Variants in TMEM132D observed in about 807,000 individuals in gnomAD.
The protein encoded by TMEM132D is transmembrane protein 132D.
In TMEM132D, 21 loss-of-function variants were observed where a neutral mutation model predicts 62.3. The ratio of observed to expected loss-of-function variants is 0.34; its 90% CI spans 0.24 to 0.49. TMEM132D has a LOEUF of 0.49. Among genes scored for constraint, TMEM132D ranks in the 20% least tolerant of loss-of-function variants. TMEM132D has a pLI of 0.99. For missense variants in TMEM132D, 1,346 were observed against 1,402.8 expected (o/e 0.96, Z 0.65); for synonymous variants, 621 against 575.6 (o/e 1.08, Z -1.13).
At chr12:129,279,445 G>T (rs1881083110) in intron 4 of TMEM132D, among the ~76,000 whole-genome samples, 1 of 152,084 alleles carries the variant, frequency 6.6e-6, no homozygotes, top group Non-Finnish European at 1.5e-5. Context: ...ACTGAAACCT[G>T]CAACAGAAGT....
chr12:129,466,976 T>C (rs182815288), intron 3 of TMEM132D, among the ~76,000 whole-genome samples: 17 of 152,290 alleles, frequency 1.1e-4, no homozygotes, highest in Admixed American at 9.2e-4. Context: ...CCCCTTTTGG[T>C]TGGATGAATA....
chr12:129,401,883 T>G (rs1312368863), intron 3 of TMEM132D, among the ~76,000 whole-genome samples: 1 of 152,158 alleles, frequency 6.6e-6, no homozygotes, highest in African/African-American at 2.4e-5. Flanking sequence ...AAGATTTGAA[T>G]TGATCCAGCC....
intron 5 of TMEM132D, among the ~76,000 whole-genome samples, chr12:129,147,915 C>T (rs531463297): frequency 1.3e-5 from 2 of 152,194 alleles, no homozygotes; most frequent in African/African-American, 4.8e-5. Context: ...AACCAACTTT[C>T]GTGTGATGGC....
At chr12:129,564,234 C>T (rs76100220) in intron 2 of TMEM132D, among the ~76,000 whole-genome samples, 3,211 of 152,282 alleles carry the variant, frequency 0.021, 96 homozygotes, top group African/African-American at 0.073. Flanking sequence ...GTCTTAGAAT[C>T]TAAGTCTCCT....
intron 3 of TMEM132D, among the ~76,000 whole-genome samples, chr12:129,525,737 C>A (rs554754539): frequency 6.6e-6 from 1 of 152,166 alleles, no homozygotes; most frequent in Admixed American, 6.5e-5. Flanking sequence ...ATCACTGCGA[C>A]GCACAGCATA....
chr12:129,365,612 A>C (rs955918297), intron 3 of TMEM132D, among the ~76,000 whole-genome samples: 8 of 152,192 alleles, frequency 5.3e-5, no homozygotes, highest in Non-Finnish European at 7.4e-5. Context: ...CCCCTTCTGC[A>C]CTGAGATGCA....
chr12:129,150,117 G>T (rs892106169), intron 5 of TMEM132D, among the ~76,000 whole-genome samples: 11 of 152,222 alleles, frequency 7.2e-5, no homozygotes, highest in African/African-American at 2.7e-4. Flanking sequence ...CAGGCCAGGG[G>T]CAAGCCCACA....
intron 4 of TMEM132D, among the ~76,000 whole-genome samples, chr12:129,324,412 AC>A (rs1297029838): frequency 1.3e-5 from 2 of 152,162 alleles, no homozygotes; most frequent in African/African-American, 4.8e-5. Context: ...AAGAGTTTAG[AC>A]TCCACACACA....
chr12:129,836,612 T>G (rs1006078380), intron 1 of TMEM132D, among the ~76,000 whole-genome samples: 1 of 152,146 alleles, frequency 6.6e-6, no homozygotes, highest in Admixed American at 6.6e-5. Context: ...ACATTAGCTC[T>G]TTATTAAGTA....
chr12:129,896,928 C>G (rs1466532357), intron 1 of TMEM132D, among the ~76,000 whole-genome samples: 1 of 152,122 alleles, frequency 6.6e-6, no homozygotes, highest in Non-Finnish European at 1.5e-5. Flanking sequence ...ACTTCAGTCG[C>G]TTTTCAGATG....
At chr12:129,106,428 AAAAAAT>A (rs1202832848) in intron 5 of TMEM132D, among the ~76,000 whole-genome samples, 4 of 151,978 alleles carry the variant, frequency 2.6e-5, no homozygotes, top group African/African-American at 4.8e-5. Context: ...ATAATAAAAT[AAAAAAT>A]AAAAATAAAA....
At chr12:129,835,254 A>G (rs1451589894) in intron 1 of TMEM132D, among the ~76,000 whole-genome samples, 2 of 152,020 alleles carry the variant, frequency 1.3e-5, no homozygotes, top group East Asian at 3.9e-4. Flanking sequence ...GGTTAACTCA[A>G]TTTTCTGTCC....
rs1208289273 is a variant in TMEM132D, at chr12:129,371,224, T to C, written c.1116-33407A>G. ...TTCAAAAATATTACTTTTTAAATTA[T>C]TGTTGTTACTGTGGTGATGATGGTG... is the stretch of plus-strand genomic sequence containing the variant. On this transcript the variant is annotated intron_variant, in intron 3 of 8. Coordinates refer to ENST00000422113, the MANE Select transcript of TMEM132D (RefSeq NM_133448.3). This position sits in a 1 kb window ranked among gnomAD's most constrained non-coding sequence, Gnocchi z 4.3. Among the ~76,000 whole-genome samples the C allele has an allele frequency of 1.3e-5, 2 of 152,178 alleles. No homozygotes were observed. Among genetic ancestry groups the C allele is most frequent in the African/African-American group, 4.8e-5 (2 of 41,454 alleles).
chr12:129,147,764 G>A (rs1285645468), intron 5 of TMEM132D, among the ~76,000 whole-genome samples: 1 of 152,184 alleles, frequency 6.6e-6, no homozygotes, highest in Non-Finnish European at 1.5e-5. Context: ...TGGCTGCTAT[G>A]TCCACTCTGT....
At chr12:129,895,285 C>G (rs532584251) in intron 1 of TMEM132D, among the ~76,000 whole-genome samples, 1 of 152,180 alleles carries the variant, frequency 6.6e-6, no homozygotes, top group Non-Finnish European at 1.5e-5. Context: ...TTGTTTGTAA[C>G]GTTACTGAAA....
chr12:129,227,751 C>A (rs1482438050), intron 4 of TMEM132D, among the ~76,000 whole-genome samples: 2 of 151,916 alleles, frequency 1.3e-5, no homozygotes, highest in Non-Finnish European at 2.9e-5. Context: ...CTCCCCACTA[C>A]CCCCACCCCA....
At chr12:129,313,794 C>T (rs1868393502) in intron 4 of TMEM132D, among the ~76,000 whole-genome samples, 1 of 152,120 alleles carries the variant, frequency 6.6e-6, no homozygotes, top group South Asian at 2.1e-4. Context: ...ACACTGTGTT[C>T]CATTGTGGCT....
chr12:129,105,288 T>G (rs576207867), intron 5 of TMEM132D, among the ~76,000 whole-genome samples: 1 of 143,834 alleles, frequency 7.0e-6, no homozygotes, highest in Non-Finnish European at 1.5e-5. Context: ...TAAACTATCG[T>G]AAGAACAAAA....
At chr12:129,211,514 T>C (rs1246387235) in intron 4 of TMEM132D, among the ~76,000 whole-genome samples, 1 of 152,210 alleles carries the variant, frequency 6.6e-6, no homozygotes, top group African/African-American at 2.4e-5. Context: ...GCAGAAGGAA[T>C]AGAAGTTTAT....
Sources: allele counts gnomAD v4.1 joint callset (sites outside exome capture counted in the v4.1 genomes callset), GRCh38; gene constraint gnomAD v4.1.1; non-coding constraint Gnocchi (gnomAD v3.1); transcripts MANE v1.5; gene names NCBI Gene and HGNC (gene_info 2026-07-23, HGNC 2026-07-21).